Variants in PRH1 observed in about 807,000 individuals in gnomAD.
The protein encoded by PRH1 is salivary acidic proline-rich phosphoprotein 1/2.
In PRH1, 7 loss-of-function variants were observed where a neutral mutation model predicts 7.9. The ratio of observed to expected loss-of-function variants is 0.89; its 90% CI spans 0.50 to 1.67. The LOEUF (loss-of-function observed/expected upper bound fraction) is 1.67, where lower values mean the gene tolerates loss of function less well. Ranked by LOEUF, PRH1 falls within the 40% of genes most tolerant of loss-of-function variation. The pLI is 0.00. For synonymous variants in PRH1, 45 were observed against 80.8 expected (o/e 0.56, Z 2.38); for missense variants, 109 against 223.6 (o/e 0.49, Z 3.27).
At chr12:10,958,528 C>A (rs769500901) in intron 2 of PRH1, among the ~76,000 whole-genome samples, 3 of 151,806 alleles carry the variant, frequency 2.0e-5, no homozygotes, top group Admixed American at 2.0e-4. Flanking sequence ...ACATAACAAA[C>A]CTGCACATGT....
intron 1 of PRH1, among the ~76,000 whole-genome samples, chr12:11,072,422 G>A (rs1338909881): frequency 1.3e-5 from 2 of 152,194 alleles, no homozygotes; most frequent in Non-Finnish European, 2.9e-5. Context: ...GCAGCTGGCA[G>A]GACTCTCACC....
rs138816026 is a variant in PRH1, at chr12:11,074,615, A to C, written n.124-27427T>G. Among the ~76,000 whole-genome samples the C allele has an allele frequency of 3.2e-3, 373 of 116,084 alleles. 49 individuals carry two copies. The highest frequency in any genetic ancestry group is 0.01 in the African/African-American group (358 of 34,522). 76.2% of individuals were successfully genotyped at this position (116,084 alleles called of 152,430 possible). ...CTAAAAAGTTAAGTAGAAAGTGGGA[A>C]ACATAGGGAAAGGGGCGAGGAAAAG... On this transcript the variant is annotated intron_variant and non_coding_transcript_variant, in intron 1 of 4. Transcript: ENST00000541977.
chr12:11,047,578 A>C (rs1048885924), upstream of PRH1, among the ~76,000 whole-genome samples: 3 of 152,142 alleles, frequency 2.0e-5, no homozygotes, highest in African/African-American at 4.8e-5. Context: ...ACTACACATT[A>C]AAAAATTATA....
intron 1 of PRH1, among the ~76,000 whole-genome samples, chr12:11,154,823 G>A (rs1483931145): frequency 6.6e-6 from 1 of 152,180 alleles, no homozygotes; most frequent in African/African-American, 2.4e-5. Context: ...GGAAATTCCA[G>A]AGAGAATTCC....
intron 1 of PRH1, among the ~76,000 whole-genome samples, chr12:11,027,267 A>G (rs1941963227): frequency 6.7e-6 from 1 of 149,574 alleles, no homozygotes; most frequent in Non-Finnish European, 1.5e-5. Flanking sequence ...CCTGTCTCAA[A>G]ATAATAGCAA....
upstream of PRH1, among the ~76,000 whole-genome samples, chr12:11,051,349 A>T (rs1943134112): frequency 6.6e-6 from 1 of 152,202 alleles, no homozygotes; most frequent in Non-Finnish European, 1.5e-5. Context: ...GCTGTACATG[A>T]ATGTATACAG....
chr12:10,997,387 A>C, intron 1 of PRH1: 1 of 1,614,136 alleles, frequency 6.2e-7, no homozygotes, highest in South Asian at 1.1e-5. Context: ...TGATCTTCCA[A>C]GTTACGTTTC....
chr12:11,004,478 C>A (rs1014142220), intron 1 of PRH1, among the ~76,000 whole-genome samples: 7 of 152,086 alleles, frequency 4.6e-5, no homozygotes, highest in African/African-American at 1.7e-4. Flanking sequence ...GCACTCCAAC[C>A]TAGACCACGA....
intron 1 of PRH1, among the ~76,000 whole-genome samples, chr12:11,111,978 C>T (rs1945602453): frequency 1.3e-5 from 2 of 152,142 alleles, no homozygotes; most frequent in Non-Finnish European, 2.9e-5. Context: ...GATATTACCA[C>T]TGACTTCAGA....
intron 1 of PRH1, among the ~76,000 whole-genome samples, chr12:11,158,566 G>A (rs774664760): frequency 7.2e-5 from 11 of 151,942 alleles, no homozygotes; most frequent in African/African-American, 2.7e-4. Context: ...GTTATTAGCA[G>A]GCATTATTAT....
intron 1 of PRH1, chr12:11,171,228 G>C (rs921238617): frequency 9.4e-6 from 5 of 531,530 alleles, no homozygotes; most frequent in East Asian, 3.5e-5. Flanking sequence ...CGGCGGCAGC[G>C]GCAAGCTTGG....
chr12:10,930,574 G>A, intron 2 of PRH1: 2 of 1,572,912 alleles, frequency 1.3e-6, no homozygotes, highest in South Asian at 1.2e-5. Context: ...AGGGAGAGAG[G>A]GGCCGGCCGT....
chr12:10,971,003 G>A (rs1274869794), intron 2 of PRH1, among the ~76,000 whole-genome samples: 2 of 151,826 alleles, frequency 1.3e-5, no homozygotes, highest in African/African-American at 4.8e-5. Context: ...TACTTTTTTT[G>A]CCTTTTAAAT....
At chr12:11,003,540 C>T (rs1005496064) in intron 1 of PRH1, among the ~76,000 whole-genome samples, 6 of 151,664 alleles carry the variant, frequency 4.0e-5, no homozygotes, top group Non-Finnish European at 7.4e-5. Flanking sequence ...ACAGTTTTGC[C>T]ACCAATGTAA....
intron 1 of PRH1, chr12:11,132,953 TTAA>T (rs1946409286): frequency 8.8e-6 from 2 of 227,544 alleles, no homozygotes; most frequent in Non-Finnish European, 1.7e-5. Flanking sequence ...CTGTTAGTTC[TTAA>T]TAATTATAAA....
At chr12:10,895,140 T>C (rs1413770382) in intron 2 of PRH1, 2 of 152,232 alleles carry the variant, frequency 1.3e-5, no homozygotes, top group Admixed American at 6.5e-5. Context: ...AGTATGATAC[T>C]GATGAAATAA....
chr12:10,928,444 C>T (rs189908633), intron 2 of PRH1, among the ~76,000 whole-genome samples: 477 of 152,314 alleles, frequency 3.1e-3, no homozygotes, highest in Non-Finnish European at 4.9e-3. Flanking sequence ...TACATGACAT[C>T]GTGTGGCTCA....
intron 1 of PRH1, among the ~76,000 whole-genome samples, chr12:11,122,145 TAG>T (rs1945929229): frequency 6.6e-6 from 1 of 151,916 alleles, no homozygotes; most frequent in Admixed American, 6.6e-5. Flanking sequence ...AGGAAATTAG[TAG>T]ACTTTACACA....
At chr12:11,165,555 A>G (rs1947549534) in intron 1 of PRH1, among the ~76,000 whole-genome samples, 1 of 152,120 alleles carries the variant, frequency 6.6e-6, no homozygotes, top group Admixed American at 6.5e-5. Context: ...ATTAATCATA[A>G]TTATTTTTAA....
Sources: gnomAD v4.1 joint callset for allele counts (sites outside exome capture counted in the v4.1 genomes callset) on GRCh38, gnomAD v4.1.1 for gene constraint, MANE v1.5 for transcripts, NCBI Gene and HGNC (gene_info 2026-07-23, HGNC 2026-07-21) for gene names.